The following MAGI2 variants were observed in gnomAD, a reference collection of about 807,000 sequenced individuals.
The protein encoded by MAGI2 is membrane associated guanylate kinase, WW and PDZ domain containing 2, also known as membrane-associated guanylate kinase, WW and PDZ domain-containing protein 2.
Under a neutral mutation model 133.3 loss-of-function variants are expected in MAGI2, and 35 were observed. The observed-to-expected ratio is 0.26, with a 90% CI of 0.20 to 0.35. MAGI2 has a LOEUF of 0.35. MAGI2 is among the 10% of genes least tolerant of loss of function. MAGI2 has a pLI of 1.00. For missense variants in MAGI2, 1,636 were observed against 1,863.4 expected, an observed-to-expected ratio of 0.88 and a Z score of 2.25; for synonymous variants, 729 against 710.6, an observed-to-expected ratio of 1.03 and a Z score of -0.41.
intron 1 of MAGI2, among the ~76,000 whole-genome samples, chr7:79,068,139 C>A (rs917840340): frequency 2.0e-5 from 3 of 152,224 alleles, no homozygotes; most frequent in African/African-American, 7.2e-5. Flanking sequence ...TGGGAGGATT[C>A]CCTCTTTTTC....
At chr7:78,051,110 C>T (rs901859345) in intron 21 of MAGI2, among the ~76,000 whole-genome samples, 2 of 152,242 alleles carry the variant, frequency 1.3e-5, no homozygotes, top group Admixed American at 6.5e-5. Flanking sequence ...TGAAGCCTGC[C>T]TGGCATTTAT....
At chr7:79,332,288 G>T (rs1290788312) in intron 1 of MAGI2, among the ~76,000 whole-genome samples, 1 of 152,132 alleles carries the variant, frequency 6.6e-6, no homozygotes, top group Non-Finnish European at 1.5e-5. Context: ...AGATGCAATT[G>T]GTCACTCTAC....
intron 2 of MAGI2, among the ~76,000 whole-genome samples, chr7:78,660,599 G>T (rs1483450776): frequency 1.3e-5 from 2 of 152,070 alleles, no homozygotes. Context: ...AAGTAATGAA[G>T]AAATAACATG....
At position 79,371,391 on chromosome 7, in the gene MAGI2, ATAACT is replaced by A. The variant is rs567654676; in HGVS notation, c.301+81624_301+81628del. 3.3e-5 allele frequency among the ~76,000 whole-genome samples: 5 copies of A among 152,246 alleles called. No homozygotes were observed. The South Asian group carries it at 1.0e-3, about 32-fold the overall frequency. ...ATTGCATTACTAAAAGGAAAAAAAAATAACTTATAATAACACAATCATGAGCCACA... is the reference window on the plus strand; with the variant it reads ...ATTGCATTACTAAAAGGAAAAAAAAATATAATAACACAATCATGAGCCACA... On this transcript the variant is annotated intron_variant, in intron 1 of 21. Coordinates refer to ENST00000354212, the MANE Select transcript of MAGI2 (RefSeq NM_012301.4).
intron 21 of MAGI2, among the ~76,000 whole-genome samples, chr7:78,033,377 G>A (rs769545589): frequency 7.9e-5 from 12 of 151,560 alleles, no homozygotes; most frequent in Non-Finnish European, 1.6e-4. Flanking sequence ...GGAGGTTGAG[G>A]TGGGAGGATC....
intron 20 of MAGI2, among the ~76,000 whole-genome samples, chr7:78,118,949 C>T: frequency 6.6e-6 from 1 of 152,158 alleles, no homozygotes; most frequent in East Asian, 1.9e-4. Flanking sequence ...AGTAGTGCAT[C>T]CAGACAATGG....
intron 1 of MAGI2, chr7:79,012,392 T>C (rs1808251607): frequency 6.6e-6 from 1 of 152,180 alleles, no homozygotes; most frequent in African/African-American, 2.4e-5. Context: ...TGCTCTGAAC[T>C]TCCACATCTT....
chr7:78,575,307 A>G (rs773684394), intron 3 of MAGI2, among the ~76,000 whole-genome samples: 1 of 150,144 alleles, frequency 6.7e-6, no homozygotes, highest in Non-Finnish European at 1.5e-5. Flanking sequence ...GTAACGGCAA[A>G]AACTATGATT....
At position 78,526,795 on chromosome 7, in the gene MAGI2, G is replaced by T. The variant is rs181423356; in HGVS notation, c.539-5150C>A. Among the ~76,000 whole-genome samples the T allele has an allele frequency of 2.1e-3, 312 of 152,032 alleles. 2 individuals are homozygous for T. The highest frequency in any genetic ancestry group is 7.1e-3 in the African/African-American group (296 of 41,508). ...GAGGCTGAGGCGGGCAGATCATGAG[G>T]TCAAGAGATAGAGACCATCCTGGCC... is the stretch of plus-strand genomic sequence containing the variant. On this transcript the variant is annotated intron_variant, in intron 3 of 21. Transcript: ENST00000354212.
At chr7:79,205,616 T>C (rs901432520) in intron 1 of MAGI2, among the ~76,000 whole-genome samples, 7 of 151,800 alleles carry the variant, frequency 4.6e-5, no homozygotes, top group African/African-American at 1.7e-4. Flanking sequence ...ATTTGGTGTA[T>C]AAATTTCTAA....
intron 2 of MAGI2, among the ~76,000 whole-genome samples, chr7:78,639,947 C>T (rs1282801229): frequency 2.0e-5 from 3 of 152,158 alleles, no homozygotes; most frequent in African/African-American, 4.8e-5. Context: ...TAACTGCATG[C>T]CTCTGAAGGG....
chr7:79,000,506 A>G (rs1441698263), intron 2 of MAGI2, among the ~76,000 whole-genome samples: 1 of 152,160 alleles, frequency 6.6e-6, no homozygotes, highest in African/African-American at 2.4e-5. Context: ...TAGACATTTT[A>G]TTAGATATGT....
chr7:78,599,466 T>C (rs1231125839), intron 3 of MAGI2, among the ~76,000 whole-genome samples: 1 of 152,114 alleles, frequency 6.6e-6, no homozygotes, highest in African/African-American at 2.4e-5. Context: ...CTGTGAGAAA[T>C]ACCCATACCC....
chr7:79,236,929 CAGCT>C (rs1831966840), intron 1 of MAGI2, among the ~76,000 whole-genome samples: 1 of 152,042 alleles, frequency 6.6e-6, no homozygotes, highest in Non-Finnish European at 1.5e-5. Flanking sequence ...ACTGTAGTCC[CAGCT>C]ACTCAGGAGA....
chr7:78,469,384 C>T (rs778484113), intron 6 of MAGI2, among the ~76,000 whole-genome samples: 4 of 152,116 alleles, frequency 2.6e-5, no homozygotes, highest in Non-Finnish European at 4.4e-5. Flanking sequence ...AGACAAGGTC[C>T]TTGATGCTGT....
At chr7:79,403,161 G>A (rs1845585315) in intron 1 of MAGI2, among the ~76,000 whole-genome samples, 1 of 152,130 alleles carries the variant, frequency 6.6e-6, no homozygotes, top group Non-Finnish European at 1.5e-5. Context: ...ATAAAAATTA[G>A]AGGAAATCTT....
chr7:78,815,565 G>A (rs73369428), intron 2 of MAGI2, among the ~76,000 whole-genome samples: 1,724 of 151,870 alleles, frequency 0.011, 24 homozygotes, highest in African/African-American at 0.04. Context: ...CAAGTCTATT[G>A]GTACCATTTT....
At chr7:78,543,195 A>G (rs1295375893) in intron 3 of MAGI2, among the ~76,000 whole-genome samples, 1 of 152,222 alleles carries the variant, frequency 6.6e-6, no homozygotes, top group African/African-American at 2.4e-5. Flanking sequence ...CAGCTAAAGA[A>G]TGATATTCTT....
At chr7:79,321,451 C>A (rs1006415031) in intron 1 of MAGI2, among the ~76,000 whole-genome samples, 1 of 105,420 alleles carries the variant, frequency 9.5e-6, no homozygotes, top group Non-Finnish European at 2.0e-5. Context: ...TGCTGATTCC[C>A]TCAAGTAGAT....
Sources: gnomAD v4.1 joint callset for allele counts (sites outside exome capture counted in the v4.1 genomes callset) on GRCh38, gnomAD v4.1.1 for gene constraint, MANE v1.5 for transcripts, NCBI Gene and HGNC (gene_info 2026-07-23, HGNC 2026-07-21) for gene names.